DHX35: variants seen among roughly 807,000 people sequenced by gnomAD.
The protein encoded by DHX35 is probable ATP-dependent RNA helicase DHX35.
DHX35 carries 84 observed loss-of-function variants against 99.6 expected under a neutral mutation model. That is an observed-to-expected ratio of 0.84 (90% CI 0.71 to 1.01). DHX35 has a LOEUF of 1.01. DHX35 is among the 50% of genes least tolerant of loss of function. The probability of loss-of-function intolerance (pLI) is 0.00; values close to 1 mark genes in which losing one functional copy is unlikely to be tolerated. For synonymous variants in DHX35, 331 were observed against 316.2 expected (o/e 1.05, Z -0.50); for missense variants, 852 against 888.5 (o/e 0.96, Z 0.52).
Position 39,030,731 on chromosome 20 carries a change from C to G in DHX35, c.1911C>G (p.His637Gln). 1 of 1,614,176 alleles carries G rather than the reference C, an allele frequency of 6.2e-7. No homozygotes were observed. The highest frequency in any genetic ancestry group is 8.5e-7 in the Non-Finnish European group (1 of 1,180,040). Reference sequence around the variant, plus strand: ...CCATCCGTGATGACCATGAGCTGCACATACACCCTGCGTCAGTCCTCTATG... The same window carrying G: ...CCATCCGTGATGACCATGAGCTGCAGATACACCCTGCGTCAGTCCTCTATG... ...YRTIRDDHEL[H>Q]IHPASVLYAE... is the part of the protein sequence containing the mutation. The change falls in exon 20 of 22, where the codon CAC (histidine) becomes CAG (glutamine). Residue 637 changes from histidine to glutamine, a missense_variant. His to Gln is a conservative substitution (Grantham distance 24, BLOSUM62 0). Coordinates refer to ENST00000252011, the MANE Select transcript of DHX35 (RefSeq NM_021931.4).
Position 39,018,844 on chromosome 20 carries a change from G to A in DHX35, c.1443G>A (p.Met481Ile), listed in dbSNP as rs113811068. 12 of 1,613,916 alleles carry A rather than the reference G, an allele frequency of 7.4e-6. No individual in the cohort carries two copies. The highest frequency in any genetic ancestry group is 4.0e-5 in the African/African-American group (3 of 74,904). Residue 481 changes from methionine to isoleucine, a missense_variant, in exon 15 of 22, where the codon ATG (methionine) becomes ATA (isoleucine). Physicochemically the swap from Met to Ile is conservative, Grantham distance 10. Transcript: ENST00000252011. Reference sequence around the variant, plus strand: ...GTCGCCTAACTGAACCGCTTGGCATGAGAATTGCAGAGTTTCCTTTGAATC... The same window carrying A: ...GTCGCCTAACTGAACCGCTTGGCATAAGAATTGCAGAGTTTCCTTTGAATC... ...KDCRLTEPLG[M>I]RIAEFPLNPM...
chr20:38,974,357 C>A (rs1028269714), intron 3 of DHX35, among the ~76,000 whole-genome samples: 31 of 152,122 alleles, frequency 2.0e-4, no homozygotes, highest in African/African-American at 7.2e-4. Context: ...GCGTTAGGGT[C>A]TGTAGACATT....
chr20:39,034,484 G>A (rs1220864704), intron 21 of DHX35, among the ~76,000 whole-genome samples, 167 bp downstream of exon 21: 1 of 152,114 alleles, frequency 6.6e-6, no homozygotes, highest in Non-Finnish European at 1.5e-5. Context: ...AAGCACTCTA[G>A]CGTTTAATTC....
chr20:39,038,442 C>T, intron 21 of DHX35, 57 bp from the exon 22 acceptor site: 1 of 1,571,364 alleles, frequency 6.4e-7, no homozygotes, highest in South Asian at 1.1e-5. Context: ...GATTATGTTG[C>T]AGTCTGGTTT....
intron 13 of DHX35, among the ~76,000 whole-genome samples, chr20:39,013,200 T>C (rs2086730854): frequency 6.6e-6 from 1 of 152,232 alleles, no homozygotes; most frequent in African/African-American, 2.4e-5. Flanking sequence ...GTGGTTTTTA[T>C]GATTGAAATT....
chr20:38,983,150 G>A (rs957670354), intron 3 of DHX35, among the ~76,000 whole-genome samples: 1 of 152,026 alleles, frequency 6.6e-6, no homozygotes, highest in Non-Finnish European at 1.5e-5. Context: ...TGGTCTTGAC[G>A]TCAAGTGATC....
At position 39,014,951 on chromosome 20, in the gene DHX35, C is replaced by T; in HGVS notation, c.1402+17C>T. 6.2e-7 allele frequency: 1 copy of T among 1,613,944 alleles called. No individual in the cohort carries two copies. The highest frequency in any genetic ancestry group is 1.1e-5 in the South Asian group (1 of 91,070). On this transcript the variant is annotated intron_variant, in intron 14 of 21. Coordinates refer to ENST00000252011, the MANE Select transcript of DHX35 (RefSeq NM_021931.4). ...CTCTGGGAGGTATGCCAGTTTCTCT[C>T]ATCATTCTCTCTTATTATGTGTTGT...
intron 2 of DHX35, among the ~76,000 whole-genome samples, chr20:38,971,999 G>GTTTTTTTTTTTTTTTTTTTTTTTTTTT (rs1335391217): frequency 9.7e-6 from 1 of 102,994 alleles, no homozygotes. Flanking sequence ...TTTTTGTTTT[G>GTTTTTTTTTTTTTTTTTTTTTTTTTTT]TTTTGTTTTT....
In DHX35 at chr20:38,997,046, TTTTATTTA is replaced by T. The variant is rs143900166; in HGVS notation, c.642+2198_642+2205del. Among the ~76,000 whole-genome samples, 477 of 149,008 alleles carry T rather than the reference TTTTATTTA, an allele frequency of 3.2e-3. 1 individual carries two copies. Among genetic ancestry groups the T allele is most frequent in the African/African-American group, 7.0e-3 (281 of 40,218 alleles). On this transcript the variant is annotated intron_variant, in intron 8 of 21. Transcript: ENST00000252011. The stretch of plus-strand genomic sequence containing the variant: ...ATGTCCAAGTCTTTTCTTAGATTCA[TTTTATTTA>T]TTTATTTATTTATTTATTTATTTAT...
At chr20:39,028,541 C>A (rs369569018) in intron 19 of DHX35, 42 bp downstream of exon 19, 3 of 1,591,438 alleles carry the variant, frequency 1.9e-6, no homozygotes, top group African/African-American at 2.7e-5. Flanking sequence ...AAGGAACAAT[C>A]TTACAAATGA....
At position 39,025,277 on chromosome 20, in the gene DHX35, G is replaced by C; in HGVS notation, c.1719G>C (p.Lys573Asn). 2 of 1,613,510 alleles carry C rather than the reference G, an allele frequency of 1.2e-6. No individual in the cohort carries two copies. Among genetic ancestry groups the C allele is most frequent in the South Asian group, 2.2e-5 (2 of 90,940 alleles). Reference sequence around the variant, plus strand: ...GTCAGGAACATTTCCTGAATTACAAGGGTCTTGTCAGAGCTGCGACTGTAA... The same window carrying C: ...GTCAGGAACATTTCCTGAATTACAACGGTCTTGTCAGAGCTGCGACTGTAA... ...KWCQEHFLNY[K>N]GLVRAATVRE... Residue 573 changes from lysine to asparagine, a missense_variant, in exon 18 of 22, where the codon AAG (lysine) becomes AAC (asparagine). Transcript: ENST00000252011.
intron 4 of DHX35, among the ~76,000 whole-genome samples, chr20:38,984,271 A>G (rs2086217920): frequency 6.6e-6 from 1 of 152,180 alleles, no homozygotes; most frequent in Non-Finnish European, 1.5e-5. Flanking sequence ...CCTGCACATT[A>G]TGAACGTTTT....
chr20:39,010,865 G>A (rs1377353024), intron 13 of DHX35, among the ~76,000 whole-genome samples: 3 of 152,114 alleles, frequency 2.0e-5, no homozygotes, highest in Non-Finnish European at 4.4e-5. Context: ...ATTGCTTCCT[G>A]AGATGATTTC....
intron 14 of DHX35, among the ~76,000 whole-genome samples, chr20:39,017,425 G>T (rs1469242165): frequency 6.6e-6 from 1 of 152,214 alleles, no homozygotes; most frequent in African/African-American, 2.4e-5. Flanking sequence ...TCTGTAGTGA[G>T]GATGAGAGAA....
chr20:39,024,997 A>G (rs1283533483), intron 17 of DHX35, among the ~76,000 whole-genome samples: 1 of 152,222 alleles, frequency 6.6e-6, no homozygotes, highest in African/African-American at 2.4e-5. Flanking sequence ...TCTGCGTGTC[A>G]TTAAGTTCTC....
chr20:39,014,777 G>A, intron 13 of DHX35, 103 bp from the exon 14 acceptor site: 2 of 1,353,544 alleles, frequency 1.5e-6, no homozygotes, highest in Non-Finnish European at 2.1e-6. Context: ...TGGGAAGAAT[G>A]GGGCATGTTA....
intron 13 of DHX35, among the ~76,000 whole-genome samples, chr20:39,012,426 A>G (rs1159722417): frequency 2.0e-5 from 3 of 152,198 alleles, no homozygotes; most frequent in African/African-American, 7.2e-5. Context: ...AGCTAAAGGA[A>G]AAAAACAGCA....
intron 3 of DHX35, among the ~76,000 whole-genome samples, chr20:38,981,599 T>G (rs1191991248): frequency 6.6e-6 from 1 of 152,112 alleles, no homozygotes; most frequent in African/African-American, 2.4e-5. Flanking sequence ...TGTCTTATAT[T>G]TTTTCCTACA....
intron 4 of DHX35, among the ~76,000 whole-genome samples, chr20:38,988,016 G>A (rs1354261111): frequency 6.6e-6 from 1 of 152,138 alleles, no homozygotes; most frequent in African/African-American, 2.4e-5. Context: ...ATGGTCCCGG[G>A]GGATGGGTTT....
Sources: allele counts gnomAD v4.1 joint callset (sites outside exome capture counted in the v4.1 genomes callset), GRCh38; gene constraint gnomAD v4.1.1; transcripts MANE v1.5; gene names NCBI Gene and HGNC (gene_info 2026-07-23, HGNC 2026-07-21).